Variants in CSMD3 observed in about 807,000 individuals in gnomAD.
CSMD3 encodes CUB and Sushi multiple domains 3.
A neutral mutation model predicts 435.2 loss-of-function variants in CSMD3; 177 were observed. That is an observed-to-expected ratio of 0.41 (90% confidence interval 0.36 to 0.46). The LOEUF (loss-of-function observed/expected upper bound fraction) is 0.46, where lower values mean the gene tolerates loss of function less well. Ranked by LOEUF, CSMD3 falls within the 20% of genes least tolerant of loss-of-function variation. The pLI, the probability that CSMD3 is intolerant of heterozygous loss-of-function variation, is 0.34. For synonymous variants in CSMD3, 1,656 were observed against 1,520.5 expected (o/e 1.09, Z -2.07); for missense variants, 4,265 against 4,504.6 (o/e 0.95, Z 1.52).
At chr8:112,228,642 G>A (rs1464293972) in intron 70 of CSMD3, 114 bp downstream of exon 70, 3 of 1,085,850 alleles carry the variant, frequency 2.8e-6, no homozygotes, top group African/African-American at 1.6e-5. Flanking sequence ...TTAGCACACA[G>A]ACATTTCAAC....
intron 32 of CSMD3, among the ~76,000 whole-genome samples, chr8:112,447,868 A>C (rs1486685027): frequency 6.6e-6 from 1 of 152,162 alleles, no homozygotes; most frequent in African/African-American, 2.4e-5. Flanking sequence ...TCTTAGAAAG[A>C]TTTAAACAAT....
At chr8:113,153,965 T>C (rs1174834506) in intron 4 of CSMD3, among the ~76,000 whole-genome samples, 1 of 152,060 alleles carries the variant, frequency 6.6e-6, no homozygotes, top group Non-Finnish European at 1.5e-5. Flanking sequence ...ATCACACTGA[T>C]TATATTCTGA....
rs80334151 is a variant in CSMD3, at chr8:113,086,667, G to A, written c.917+12089C>T. ...ATAACAGTGCTGAGTTTGGCTTTAC[G>A]TATGCTAATTAAGAATATGAGCATT... is the stretch of plus-strand genomic sequence containing the variant. On this transcript the variant is annotated intron_variant, in intron 5 of 70. Transcript: ENST00000297405. 3.8e-3 allele frequency among the ~76,000 whole-genome samples: 571 copies of A among 152,168 alleles called. 4 individuals are homozygous for A. Among genetic ancestry groups the A allele is most frequent in the African/African-American group, 0.013 (553 of 41,530 alleles).
chr8:113,120,806 A>G (rs969115765), intron 4 of CSMD3, among the ~76,000 whole-genome samples: 3 of 152,104 alleles, frequency 2.0e-5, no homozygotes, highest in African/African-American at 4.8e-5. Flanking sequence ...ATGGAGTCCA[A>G]AGCCAAATGT....
intron 11 of CSMD3, among the ~76,000 whole-genome samples, chr8:112,845,963 G>A (rs2080306042): frequency 6.6e-6 from 1 of 151,918 alleles, no homozygotes; most frequent in South Asian, 2.1e-4. Flanking sequence ...AACGTAGGGG[G>A]AAATTCAGGA....
chr8:112,332,363 C>T (rs1009115406), intron 45 of CSMD3, among the ~76,000 whole-genome samples: 1 of 151,884 alleles, frequency 6.6e-6, no homozygotes, highest in Non-Finnish European at 1.5e-5. Context: ...AGTTAAGAAA[C>T]CAAGAGTATT....
intron 22 of CSMD3, among the ~76,000 whole-genome samples, chr8:112,609,002 C>T (rs1833016831): frequency 6.6e-6 from 1 of 151,424 alleles, no homozygotes; most frequent in Non-Finnish European, 1.5e-5. Context: ...GATGGAACTA[C>T]ATTAAACTGA....
chr8:112,300,613 A>T (rs1466464392), intron 53 of CSMD3, among the ~76,000 whole-genome samples: 1 of 152,080 alleles, frequency 6.6e-6, no homozygotes, highest in Admixed American at 6.6e-5. Flanking sequence ...GAGGAAAGAC[A>T]CTAGTCTGAG....
intron 52 of CSMD3, among the ~76,000 whole-genome samples, chr8:112,303,597 A>G (rs1172226113): frequency 1.3e-5 from 2 of 152,014 alleles, no homozygotes; most frequent in African/African-American, 4.8e-5. Context: ...AAAAAAAAAT[A>G]CAGATGATGG....
At chr8:112,749,459 G>T (rs969478996) in intron 13 of CSMD3, among the ~76,000 whole-genome samples, 1 of 151,948 alleles carries the variant, frequency 6.6e-6, no homozygotes, top group Non-Finnish European at 1.5e-5. Flanking sequence ...TTAATAAATG[G>T]TGCTAGGATA....
chr8:113,258,991 T>G (rs146681633), intron 3 of CSMD3, among the ~76,000 whole-genome samples: 1 of 152,246 alleles, frequency 6.6e-6, no homozygotes, highest in African/African-American at 2.4e-5. Flanking sequence ...TGTGAACAAT[T>G]AAACACATGA....
At chr8:112,986,152 A>C (rs2085246924) in intron 6 of CSMD3, among the ~76,000 whole-genome samples, 1 of 152,172 alleles carries the variant, frequency 6.6e-6, no homozygotes, top group Admixed American at 6.6e-5. Flanking sequence ...ACTCAGTTAA[A>C]TTTAAATGTC....
intron 13 of CSMD3, among the ~76,000 whole-genome samples, chr8:112,752,893 G>A (rs1433568637): frequency 1.1e-4 from 15 of 142,310 alleles, no homozygotes; most frequent in Non-Finnish European, 7.7e-5. Context: ...TTCAGTATTT[G>A]TTACCGCGTG....
chr8:112,999,424 G>C (rs2085778945), intron 6 of CSMD3, among the ~76,000 whole-genome samples: 1 of 151,814 alleles, frequency 6.6e-6, no homozygotes, highest in Admixed American at 6.6e-5. Flanking sequence ...GGATGCCACT[G>C]TGTGACAAGA....
In CSMD3 at chr8:112,685,563, A is replaced by G. The variant is rs2131804090; in HGVS notation, c.2325T>C (p.Leu775=). Residue 775 remains leucine, a synonymous_variant, in exon 15 of 71, where the codon CTT becomes CTC. Transcript: ENST00000297405. The part of the protein sequence containing the change: ...DFDLESQFDF[L]AVKDGDSPES... ...CTGGAGAGTCACCATCTTTAACAGCAAGGAAATCAAACTGGGATTCCAGGT... is the reference window on the plus strand; with the variant it reads ...CTGGAGAGTCACCATCTTTAACAGCGAGGAAATCAAACTGGGATTCCAGGT... The G allele has an allele frequency of 1.2e-6, 2 of 1,614,064 alleles. No individual in the cohort carries two copies. The highest frequency in any genetic ancestry group is 1.7e-5 in the Admixed American group (1 of 59,992).
intron 4 of CSMD3, among the ~76,000 whole-genome samples, chr8:113,121,080 A>T (rs1439020789): frequency 6.6e-6 from 1 of 152,078 alleles, no homozygotes; most frequent in Non-Finnish European, 1.5e-5. Flanking sequence ...CATTTGCATA[A>T]AACCAGCTTT....
At chr8:112,410,714 A>ATATATATATGTGTATATATGTATG in intron 32 of CSMD3, among the ~76,000 whole-genome samples, 1 of 106,386 alleles carries the variant, frequency 9.4e-6, no homozygotes, top group East Asian at 2.6e-4. Context: ...ATATATATAT[A>ATATATATATGTGTATATATGTATG]TGTATATATA....
chr8:112,587,359 A>T (rs1015913145), intron 22 of CSMD3, 124 bp from the exon 23 acceptor site: 1 of 710,026 alleles, frequency 1.4e-6, no homozygotes, highest in African/African-American at 1.8e-5. Flanking sequence ...AATAATATAC[A>T]GAATGGCTTT....
At chr8:112,608,746 G>A (rs1038107012) in intron 22 of CSMD3, among the ~76,000 whole-genome samples, 2 of 151,812 alleles carry the variant, frequency 1.3e-5, no homozygotes, top group Non-Finnish European at 1.5e-5. Context: ...ATATATGAAG[G>A]GGAAAGAACA....
Sources: allele counts gnomAD v4.1 joint callset (sites outside exome capture counted in the v4.1 genomes callset), GRCh38; gene constraint gnomAD v4.1.1; transcripts MANE v1.5; gene names NCBI Gene and HGNC (gene_info 2026-07-23, HGNC 2026-07-21).